The following PTPRS variants were observed in gnomAD, a reference collection of about 807,000 sequenced individuals.
PTPRS encodes protein tyrosine phosphatase receptor type S, also known as receptor-type tyrosine-protein phosphatase S.
In PTPRS, 63 loss-of-function variants were observed where a neutral mutation model predicts 215.3. That is an observed-to-expected ratio of 0.29 (90% CI 0.24 to 0.36). PTPRS has a LOEUF of 0.36. PTPRS is among the 10% of genes least tolerant of loss of function. PTPRS has a pLI of 1.00. For synonymous variants in PTPRS, 1,404 were observed against 1,191.4 expected (o/e 1.18, Z -3.68); for missense variants, 2,258 against 2,825.8 (o/e 0.80, Z 4.56).
In PTPRS at chr19:5,339,965, C is replaced by T. The variant is rs115261232; in HGVS notation, c.-95+699G>A. On this transcript the variant is annotated intron_variant, in intron 1 of 37. Coordinates refer to ENST00000262963, the MANE Select transcript of PTPRS (RefSeq NM_002850.4). The surrounding 1 kb of genome is among the most constrained non-coding windows in gnomAD (Gnocchi z 4.2). ...GGGTGGGGAGGCTGGAAGGGGGCGC[C>T]GAGGCCGCAGAAGGGTGGGGCAATG... Among the ~76,000 whole-genome samples the T allele has an allele frequency of 6.6e-6, 1 of 151,960 alleles. No individual in the cohort carries two copies. Among genetic ancestry groups the T allele is most frequent in the African/African-American group, 2.4e-5 (1 of 41,518 alleles).
At chr19:5,263,461 C>T (rs1420777030) in intron 5 of PTPRS, among the ~76,000 whole-genome samples, 9 of 151,364 alleles carry the variant, frequency 5.9e-5, no homozygotes, top group East Asian at 1.9e-4. Context: ...GAGTGAGGGG[C>T]GCTGGGGATG....
chr19:5,328,690 G>A (rs2050235324), intron 1 of PTPRS, among the ~76,000 whole-genome samples: 1 of 152,050 alleles, frequency 6.6e-6, no homozygotes, highest in Non-Finnish European at 1.5e-5. Flanking sequence ...AGCACTTTGG[G>A]AGGCTGAGAC....
At chr19:5,250,917 A>G (rs1011899560) in intron 9 of PTPRS, 6 of 117,004 alleles carry the variant, frequency 5.1e-5, no homozygotes, top group African/African-American at 2.0e-4. Context: ...ACGATTCAGC[A>G]AGCCGCAGCT....
chr19:5,220,405 G>A (rs1466464467), intron 20 of PTPRS, 52 bp from the exon 21 acceptor site: 2 of 1,485,572 alleles, frequency 1.3e-6, no homozygotes, highest in Admixed American at 1.8e-5. Context: ...GATGACCAAG[G>A]GATGCTTCAT....
In PTPRS at chr19:5,229,693, CGGGAG is replaced by C. The variant is rs538484063; in HGVS notation, c.2156-14_2156-10del. The C allele has an allele frequency of 2.0e-3, 516 of 259,588 alleles. No individual in the cohort carries two copies. The highest frequency in any genetic ancestry group is 3.0e-3 in the Non-Finnish European group (474 of 156,288). 16.1% of individuals were successfully genotyped at this position (259,588 alleles called of 1,614,324 possible). A position where few individuals can be genotyped will look rare whatever the true frequency, so the allele number is the denominator to read the frequency against. Reference sequence around the variant, plus strand: ...CGGCGGCGCGCTGGGCACTGGCGGGCGGGAGGGGAGGGGAGGGGCGGGCGGAGCCG... The same window carrying C: ...CGGCGGCGCGCTGGGCACTGGCGGGCGGGAGGGGAGGGGCGGGCGGAGCCG... On this transcript the variant is annotated splice_polypyrimidine_tract_variant and intron_variant, in intron 14 of 37. Transcript: ENST00000262963.
In PTPRS at chr19:5,212,345, A is replaced by C. The variant is rs781125890; in HGVS notation, c.4761T>G (p.Val1587=). The C allele has an allele frequency of 1.2e-6, 2 of 1,613,288 alleles. No individual in the cohort carries two copies. Among genetic ancestry groups the C allele is most frequent in the South Asian group, 2.2e-5 (2 of 91,008 alleles). The part of the protein sequence containing the change: ...CNPPDAGPIV[V]HCSAGVGRTG... Reference sequence around the variant, plus strand: ...GAGTGGGGTGGACGTACCTGCAGTGAACCACGATGGGGCCGGCATCTGGCG... The same window carrying C: ...GAGTGGGGTGGACGTACCTGCAGTGCACCACGATGGGGCCGGCATCTGGCG... The change falls in exon 31 of 38, where the codon GTT becomes GTG. Residue 1587 remains valine (V), a synonymous_variant. Coordinates refer to ENST00000262963, the MANE Select transcript of PTPRS (RefSeq NM_002850.4).
intron 13 of PTPRS, among the ~76,000 whole-genome samples, chr19:5,234,151 G>A (rs2043243031): frequency 6.6e-6 from 1 of 151,124 alleles, no homozygotes; most frequent in South Asian, 2.1e-4. Flanking sequence ...AATAATTTAC[G>A]GAAAATATGG....
intron 17 of PTPRS, among the ~76,000 whole-genome samples, chr19:5,224,988 C>CCCA (rs964966640): frequency 8.2e-4 from 124 of 151,842 alleles, no homozygotes; most frequent in African/African-American, 1.7e-3. Flanking sequence ...GCTTGTTCCG[C>CCCA]CCACCACCAC....
intron 13 of PTPRS, among the ~76,000 whole-genome samples, chr19:5,234,436 C>A (rs73919787): frequency 5.3e-5 from 8 of 152,346 alleles, no homozygotes; most frequent in African/African-American, 1.9e-4. Flanking sequence ...GTGCCAAAAT[C>A]TTTAAAGATC....
intron 14 of PTPRS, 79 bp from the exon 15 acceptor site, chr19:5,229,763 T>TCCGATTCCAGGATG: frequency 1.1e-6 from 1 of 912,652 alleles, no homozygotes; most frequent in Non-Finnish European, 1.4e-6. Flanking sequence ...AGTGCCACTG[T>TCCGATTCCAGGATG]CCGATTCCAG....
Position 5,244,475 on chromosome 19 carries a change from G to A in PTPRS, c.996C>T (p.Pro332=), listed in dbSNP as rs2044300528. 6.2e-7 allele frequency: 1 copy of A among 1,613,132 alleles called. No individual in the cohort carries two copies. The highest frequency in any genetic ancestry group is 8.5e-7 in the Non-Finnish European group (1 of 1,179,422). ...AVAQITVKSL[P]KAPGTPMVTE... ...TCACCATGGGAGTCCCGGGAGCTTT[G>A]GGGAGAGCTGTGGGCAGGAGGCAGC... The change falls in exon 11 of 38, where the codon CCC becomes CCT. Residue 332 remains proline, a synonymous_variant. Coordinates refer to ENST00000262963, the MANE Select transcript of PTPRS (RefSeq NM_002850.4). This position sits in a 1 kb window ranked among gnomAD's most constrained non-coding sequence, Gnocchi z 7.2.
chr19:5,226,625 T>C (rs1441597963), intron 16 of PTPRS, among the ~76,000 whole-genome samples: 1 of 150,396 alleles, frequency 6.6e-6, no homozygotes, highest in African/African-American at 2.4e-5. Flanking sequence ...GGCACATGCC[T>C]GTAGTCCCAG....
At chr19:5,218,347 G>C in intron 25 of PTPRS, 73 bp downstream of exon 25, 1 of 1,412,220 alleles carries the variant, frequency 7.1e-7, no homozygotes, top group Non-Finnish European at 9.8e-7. Flanking sequence ...GGGCCCCCAG[G>C]GTGGCAGCTA....
chr19:5,320,664 G>A (rs1465489625), intron 1 of PTPRS, among the ~76,000 whole-genome samples: 4 of 152,070 alleles, frequency 2.6e-5, no homozygotes, highest in South Asian at 4.1e-4. Context: ...GACCTCAGGC[G>A]ATCTGCTCAC....
intron 1 of PTPRS, among the ~76,000 whole-genome samples, chr19:5,291,877 C>T (rs1487544164): frequency 6.6e-6 from 1 of 151,644 alleles, no homozygotes; most frequent in Non-Finnish European, 1.5e-5. Context: ...CACGCCACAA[C>T]CCCCCATGCC....
intron 28 of PTPRS, 139 bp from the exon 29 acceptor site, chr19:5,214,875 G>A: frequency 1.1e-6 from 1 of 933,872 alleles, no homozygotes; most frequent in Non-Finnish European, 1.6e-6. Flanking sequence ...GTACTTCACA[G>A]TTTCTCCCCC....
intron 13 of PTPRS, among the ~76,000 whole-genome samples, chr19:5,234,024 AATT>A (rs1568438315): frequency 1.3e-5 from 2 of 149,296 alleles, no homozygotes. Flanking sequence ...TAGAAGCCCC[AATT>A]ATTAGCTACC....
chr19:5,218,128 G>A (rs2041650279), intron 25 of PTPRS, among the ~76,000 whole-genome samples: 1 of 151,744 alleles, frequency 6.6e-6, no homozygotes, highest in African/African-American at 2.4e-5. Context: ...GGGTTTATTT[G>A]TGTTTTCTCC....
chr19:5,264,968 C>T (rs1305773432), intron 5 of PTPRS, 40 bp downstream of exon 5: 2 of 1,608,104 alleles, frequency 1.2e-6, no homozygotes, highest in Admixed American at 1.7e-5. Flanking sequence ...CCCCTGCTGC[C>T]CTCCAAGGCT....
Sources: gnomAD v4.1 joint callset for allele counts (sites outside exome capture counted in the v4.1 genomes callset) on GRCh38, gnomAD v4.1.1 for gene constraint, Gnocchi (gnomAD v3.1) non-coding constraint, MANE v1.5 for transcripts, NCBI Gene and HGNC (gene_info 2026-07-23, HGNC 2026-07-21) for gene names.